The following PDE8B variants were observed in gnomAD, a reference collection of about 807,000 sequenced individuals.
The protein encoded by PDE8B is high affinity cAMP-specific and IBMX-insensitive 3',5'-cyclic phosphodiesterase 8B.
Under a neutral mutation model 101.3 loss-of-function variants are expected in PDE8B, and 26 were observed. That is an observed-to-expected ratio of 0.26 (90% CI 0.19 to 0.36). The LOEUF is 0.36. PDE8B is among the 10% of genes least tolerant of loss of function. The pLI is 1.00. For missense variants in PDE8B, 810 were observed against 1,163.1 expected (o/e 0.70, Z 4.42); for synonymous variants, 424 against 429.3 (o/e 0.99, Z 0.15).
intron 1 of PDE8B, among the ~76,000 whole-genome samples, chr5:77,237,483 A>G (rs182201630): frequency 4.9e-4 from 75 of 152,246 alleles, no homozygotes; most frequent in Non-Finnish European, 2.5e-4. Context: ...ACGATATTCT[A>G]TGTCTTCAAA....
the PDE8B span, among the ~76,000 whole-genome samples, chr5:77,163,406 A>G: frequency 0.039 from 5,893 of 152,304 alleles, 373 homozygotes; most frequent in African/African-American, 0.13. Flanking sequence ...AAAGGTTGAC[A>G]TGCTTTATAA....
At chr5:77,250,275 GC>G (rs1350157663) in intron 1 of PDE8B, among the ~76,000 whole-genome samples, 4 of 152,152 alleles carry the variant, frequency 2.6e-5, no homozygotes, top group African/African-American at 9.7e-5. Flanking sequence ...ACTTCTTCAA[GC>G]TTTTTCTCTT....
chr5:77,136,860 A>G, the PDE8B span, among the ~76,000 whole-genome samples: 1 of 152,178 alleles, frequency 6.6e-6, no homozygotes, highest in Non-Finnish European at 1.5e-5. Flanking sequence ...CTCCAAAAAT[A>G]TTTGTAAGGA....
the PDE8B span, among the ~76,000 whole-genome samples, chr5:77,116,220 ATATATTTTT>A: frequency 2.4e-3 from 184 of 75,814 alleles, no homozygotes; most frequent in Middle Eastern, 0.014. Context: ...ATATATATAT[ATATATTTTT>A]TTTTTTTTTT....
chr5:77,194,276 TAA>T, the PDE8B span, among the ~76,000 whole-genome samples: 3 of 152,158 alleles, frequency 2.0e-5, no homozygotes, highest in African/African-American at 7.2e-5. Context: ...TTTATCAGGT[TAA>T]AAAAAGTTTC....
chr5:77,211,049 G>C lies in PDE8B; in HGVS notation c.124G>C (p.Gly42Arg). Reference protein sequence around the residue: ...VSQGPAAPLPGLFVQTDAADA... With the variant: ...VSQGPAAPLPRLFVQTDAADA... ...GCAGGGCCCGGCGGCACCCCTGCCCGGCCTCTTCGTCCAGACCGACGCCGC... is the reference window on the plus strand; with the variant it reads ...GCAGGGCCCGGCGGCACCCCTGCCCCGCCTCTTCGTCCAGACCGACGCCGC... Residue 42 changes from glycine to arginine, a missense_variant, in exon 1 of 22, where the codon GGC becomes CGC. Gly to Arg is a moderately radical substitution (Grantham distance 125, BLOSUM62 -2). Around this residue, in one of 4 missense-constraint regions of PDE8B, gnomAD observed 159 missense variants for 146.6 expected, o/e 1.08. Transcript: ENST00000264917. The surrounding 1 kb of genome is among the most constrained non-coding windows in gnomAD (Gnocchi z 4.1). 1 of 1,532,702 alleles carries C rather than the reference G, an allele frequency of 6.5e-7. No individual in the cohort carries two copies. Among genetic ancestry groups the C allele is most frequent in the Non-Finnish European group, 8.7e-7 (1 of 1,149,840 alleles). The allele number at this position is 1,532,702 out of a possible 1,614,324, so 94.9% of individuals were successfully genotyped here. A position where few individuals can be genotyped will look rare whatever the true frequency, so the allele number is the denominator to read the frequency against.
intron 1 of PDE8B, among the ~76,000 whole-genome samples, chr5:77,308,157 G>C (rs1300625864): frequency 1.3e-5 from 2 of 152,202 alleles, no homozygotes; most frequent in Non-Finnish European, 2.9e-5. Flanking sequence ...TCACTACCTA[G>C]TGCCAGCCCT....
the PDE8B span, among the ~76,000 whole-genome samples, chr5:77,127,381 C>A: frequency 4.0e-3 from 608 of 152,264 alleles, 1 homozygote; most frequent in Middle Eastern, 0.017. Context: ...CTCACTCCCG[C>A]CACCCTGTGA....
chr5:77,171,136 G>A, the PDE8B span, among the ~76,000 whole-genome samples: 7 of 152,182 alleles, frequency 4.6e-5, no homozygotes, highest in Non-Finnish European at 1.0e-4. Flanking sequence ...GATCATTTAC[G>A]AAGGCGAATT....
the PDE8B span, among the ~76,000 whole-genome samples, chr5:77,204,199 C>A: frequency 5.3e-5 from 8 of 151,720 alleles, no homozygotes; most frequent in South Asian, 1.7e-3. Context: ...CACCTGAGGT[C>A]AGGAGTTCAA....
chr5:77,209,785 G>A (rs1391754959), upstream of PDE8B, among the ~76,000 whole-genome samples: 1 of 152,222 alleles, frequency 6.6e-6, no homozygotes, highest in Non-Finnish European at 1.5e-5. Context: ...GACACCTAAG[G>A]AAGAGGTGAA....
In PDE8B at chr5:77,418,238, G is replaced by T; in HGVS notation, c.1921G>T (p.Asp641Tyr). The change falls in exon 18 of 22, where the codon GAT (aspartate) becomes TAT (tyrosine). Residue 641 changes from aspartate (D) to tyrosine (Y), a missense_variant. Asp to Tyr is a radical substitution (Grantham distance 160). Around this residue, in one of 4 missense-constraint regions of PDE8B, gnomAD observed 325 missense variants for 560.9 expected, o/e 0.58. Transcript: ENST00000264917. ...LGKERVKGSL[D>Y]QLDEVAALIA... ...CCTCCCCATATCCCAGGGAAGCCTCGATCAGTTGGATGAGGTGGCAGCCCT... is the reference window on the plus strand; with the variant it reads ...CCTCCCCATATCCCAGGGAAGCCTCTATCAGTTGGATGAGGTGGCAGCCCT... 1 of 1,611,364 alleles carries T rather than the reference G, an allele frequency of 6.2e-7. No homozygotes were observed. The highest frequency in any genetic ancestry group is 1.1e-5 in the South Asian group (1 of 90,984).
chr5:77,291,272 G>T, intron 1 of PDE8B: 1 of 1,613,020 alleles, frequency 6.2e-7, no homozygotes. Flanking sequence ...GGAACCCATG[G>T]GACCCTAATG....
intron 1 of PDE8B, among the ~76,000 whole-genome samples, chr5:77,242,135 A>G (rs1189109547): frequency 6.6e-6 from 1 of 152,226 alleles, no homozygotes. Context: ...TTATTTAAGA[A>G]CCTTGAAAAG....
At chr5:77,129,731 G>C in the PDE8B span, among the ~76,000 whole-genome samples, 1 of 152,106 alleles carries the variant, frequency 6.6e-6, no homozygotes, top group African/African-American at 2.4e-5. Flanking sequence ...TGGACTGTGG[G>C]ATGCGGTCCA....
chr5:77,415,600 C>A (rs947640666), intron 17 of PDE8B, among the ~76,000 whole-genome samples: 2 of 152,036 alleles, frequency 1.3e-5, no homozygotes, highest in African/African-American at 4.8e-5. Context: ...CTCAGATAAT[C>A]CACCCACCTC....
intron 10 of PDE8B, among the ~76,000 whole-genome samples, chr5:77,392,432 C>A (rs1038729205): frequency 6.6e-6 from 1 of 152,146 alleles, no homozygotes. Flanking sequence ...TGCACCATTA[C>A]CCCCAGACCC....
At chr5:77,359,484 G>T (rs575445809) in intron 10 of PDE8B, among the ~76,000 whole-genome samples, 7 of 152,296 alleles carry the variant, frequency 4.6e-5, no homozygotes, top group African/African-American at 1.4e-4. Context: ...TGTCTGCCCT[G>T]CACGGATGGG....
At chr5:77,189,877 A>G in the PDE8B span, among the ~76,000 whole-genome samples, 1 of 152,222 alleles carries the variant, frequency 6.6e-6, no homozygotes, top group African/African-American at 2.4e-5. Flanking sequence ...CATCCAGGCA[A>G]GAGGTTTTGG....
Sources: allele counts gnomAD v4.1 joint callset (sites outside exome capture counted in the v4.1 genomes callset), GRCh38; gene constraint gnomAD v4.1.1; regional missense constraint gnomAD v4.1.1; non-coding constraint Gnocchi (gnomAD v3.1); transcripts MANE v1.5; gene names NCBI Gene and HGNC (gene_info 2026-07-23, HGNC 2026-07-21).